Variants in SYNGR2 observed in about 807,000 individuals in gnomAD.
SYNGR2 encodes synaptogyrin 2, also known as synaptogyrin-2.
In SYNGR2, 11 loss-of-function variants were observed where a neutral mutation model predicts 18.7. The ratio of observed to expected loss-of-function variants is 0.59; its 90% CI spans 0.37 to 0.97. The LOEUF is 0.97. Among genes scored for constraint, SYNGR2 ranks in the 50% least tolerant of loss-of-function variants. The probability of loss-of-function intolerance (pLI) is 0.01; values close to 1 mark genes in which losing one functional copy is unlikely to be tolerated. For synonymous variants in SYNGR2, 127 were observed against 131.0 expected, an observed-to-expected ratio of 0.97 and a Z score of 0.21; for missense variants, 253 against 300.7, an observed-to-expected ratio of 0.84 and a Z score of 1.17.
In SYNGR2 at chr17:78,170,934, G is replaced by C. The variant is rs755639981; in HGVS notation, c.217G>C (p.Ala73Pro). The C allele has an allele frequency of 6.2e-7, 1 of 1,613,478 alleles. No homozygotes were observed. The highest frequency in any genetic ancestry group is 1.1e-5 in the South Asian group (1 of 91,088). Reference sequence around the variant, plus strand: ...CGAGGATGCCTGCCGCTATGGCAGTGCCATCGGGGTGCTGGCCTTCCTGGC... The same window carrying C: ...CGAGGATGCCTGCCGCTATGGCAGTCCCATCGGGGTGCTGGCCTTCCTGGC... ...RNEDACRYGS[A>P]IGVLAFLASA... The change falls in exon 2 of 4, where the codon GCC becomes CCC. Residue 73 changes from alanine (A) to proline (P), a missense_variant. Coordinates refer to ENST00000225777, the MANE Select transcript of SYNGR2 (RefSeq NM_004710.7).
chr17:78,168,628 G>A lies in SYNGR2; in HGVS notation c.12G>A (p.Gly4=), dbSNP rs1419957040. Residue 4 remains glycine (G), a synonymous_variant, in exon 1 of 4, where the codon GGG becomes GGA. Transcript: ENST00000225777. MES[G]AYGAAKAGGS... is the part of the protein sequence containing the mutation. Reference sequence around the variant, plus strand: ...GCGGCGACGGCGACATGGAGAGCGGGGCCTACGGCGCGGCCAAGGCGGGCG... The same window carrying A: ...GCGGCGACGGCGACATGGAGAGCGGAGCCTACGGCGCGGCCAAGGCGGGCG... The A allele has an allele frequency of 4.2e-6, 5 of 1,203,928 alleles. No homozygotes were observed. Among genetic ancestry groups the A allele is most frequent in the Middle Eastern group, 3.3e-4 (1 of 3,046 alleles). 74.6% of individuals were successfully genotyped at this position (1,203,928 alleles called of 1,614,324 possible). A position where few individuals can be genotyped will look rare whatever the true frequency, so the allele number is the denominator to read the frequency against.
chr17:78,172,044 T>C lies in SYNGR2; in HGVS notation c.*108T>C, dbSNP rs747567660. On this transcript the variant is annotated 3_prime_UTR_variant, in exon 4 of 4. Coordinates refer to ENST00000225777, the MANE Select transcript of SYNGR2 (RefSeq NM_004710.7). ...CCCCTCTCTTTCACCTGTTCCATCC[T>C]GTGCAGCTGACACACAGCTAAGGAG... is the stretch of plus-strand genomic sequence containing the variant. The C allele has an allele frequency of 5.1e-6, 8 of 1,559,516 alleles. No homozygotes were observed. In the Admixed American group the frequency reaches 1.5e-4, roughly 29 times the overall value.
chr17:78,170,870 C>T lies in SYNGR2; in HGVS notation c.153C>T (p.Ala51=). The T allele has an allele frequency of 6.2e-7, 1 of 1,613,328 alleles. No individual in the cohort carries two copies. The highest frequency in any genetic ancestry group is 8.5e-7 in the Non-Finnish European group (1 of 1,180,018). The part of the protein sequence containing the change: ...SCIYGEGYSN[A]HESKQMYCVF... ...TCTATGGTGAGGGCTACAGCAATGC[C>T]CACGAGTCTAAGCAGATGTACTGCG... is the stretch of plus-strand genomic sequence containing the variant. Residue 51 remains alanine (A), a synonymous_variant, in exon 2 of 4, where the codon GCC becomes GCT. Transcript: ENST00000225777.
In SYNGR2 at chr17:78,168,966, C is replaced by T. The variant is rs1041643804; in HGVS notation, c.99+251C>T. Among the ~76,000 whole-genome samples the T allele has an allele frequency of 3.3e-5, 5 of 152,094 alleles. 1 individual carries two copies. In the South Asian group the frequency reaches 8.3e-4, roughly 25 times the overall value. On this transcript the variant is annotated intron_variant, in intron 1 of 3. Coordinates refer to ENST00000225777, the MANE Select transcript of SYNGR2 (RefSeq NM_004710.7). ...GCCTCGCGCCCCGACGCGGGGTGTC[C>T]GGATCTCCGCAGGGAGCGGGCCCCT...
chr17:78,171,925 C>T lies in SYNGR2; in HGVS notation c.664C>T (p.Pro222Ser), dbSNP rs1460167154. 15 of 1,613,392 alleles carry T rather than the reference C, an allele frequency of 9.3e-6. No individual in the cohort carries two copies. The highest frequency in any genetic ancestry group is 1.3e-5 in the Non-Finnish European group (15 of 1,180,024). ...GACCACCGAGGGCTACCAGCCGCCC[C>T]CTGTGTACTGAGCGGCGGTTAGCGT... is the stretch of plus-strand genomic sequence containing the variant. ...AETTEGYQPP[P>S]VY The change falls in exon 4 of 4, where the codon CCT (proline) becomes TCT (serine). Residue 222 changes from proline to serine, a missense_variant. Transcript: ENST00000225777. This position sits in a 1 kb window ranked among gnomAD's most constrained non-coding sequence, Gnocchi z 6.6.
In SYNGR2 at chr17:78,172,005, C is replaced by T; in HGVS notation, c.*69C>T. On this transcript the variant is annotated 3_prime_UTR_variant, in exon 4 of 4. Transcript: ENST00000225777. Reference sequence around the variant, plus strand: ...CTGCCCTGGACTTTCCCATGAGCCTCCTGGAACTGCCAGCCCCTCTCTTTC... The same window carrying T: ...CTGCCCTGGACTTTCCCATGAGCCTTCTGGAACTGCCAGCCCCTCTCTTTC... The T allele has an allele frequency of 6.3e-7, 1 of 1,599,252 alleles. No homozygotes were observed. Among genetic ancestry groups the T allele is most frequent in the Non-Finnish European group, 8.5e-7 (1 of 1,177,622 alleles).
At position 78,171,263 on chromosome 17, in the gene SYNGR2, C is replaced by T. The variant is rs2075656327; in HGVS notation, c.337+209C>T. 6 of 660,970 alleles carry T rather than the reference C, an allele frequency of 9.1e-6. No homozygotes were observed. In the South Asian group the frequency reaches 1.2e-4, roughly 13 times the overall value. The allele number at this position is 660,970 out of a possible 1,614,324, so 40.9% of individuals were successfully genotyped here. A position where few individuals can be genotyped will look rare whatever the true frequency, so the allele number is the denominator to read the frequency against. ...AGCTAGAAGCTGAGTGGACCTGCAG[C>T]ACACCCGAGCAGATGGGCTTTGCCT... On this transcript the variant is annotated intron_variant, in intron 2 of 3. Transcript: ENST00000225777. This position sits in a 1 kb window ranked among gnomAD's most constrained non-coding sequence, Gnocchi z 6.6.
intron 1 of SYNGR2, chr17:78,169,287 C>T (rs9908349): frequency 0.45 from 57,963 of 129,376 alleles, 14,307 homozygotes; most frequent in African/African-American, 0.56. Flanking sequence ...GGGGAGGGGG[C>T]CTGTTCTTGG....
At position 78,171,985 on chromosome 17, in the gene SYNGR2, C is replaced by G; in HGVS notation, c.*49C>G. On this transcript the variant is annotated 3_prime_UTR_variant, in exon 4 of 4. Coordinates refer to ENST00000225777, the MANE Select transcript of SYNGR2 (RefSeq NM_004710.7). The surrounding 1 kb of genome is among the most constrained non-coding windows in gnomAD (Gnocchi z 6.6). ...GACAGAGAGGGCCCTCCCCTCTGCC[C>G]TGGACTTTCCCATGAGCCTCCTGGA... The G allele has an allele frequency of 6.2e-7, 1 of 1,605,098 alleles. No individual in the cohort carries two copies. The highest frequency in any genetic ancestry group is 8.5e-7 in the Non-Finnish European group (1 of 1,179,266).
In SYNGR2 at chr17:78,171,485, T is replaced by C. The variant is rs2075657880; in HGVS notation, c.338-25T>C. On this transcript the variant is annotated intron_variant, in intron 2 of 3. Coordinates refer to ENST00000225777, the MANE Select transcript of SYNGR2 (RefSeq NM_004710.7). This position sits in a 1 kb window ranked among gnomAD's most constrained non-coding sequence, Gnocchi z 6.6. ...GAAAGCCCCTCCCTTTCCATGGAAC[T>C]GACGCTTCACCCGTCCTCCCCCAGC... 6.6e-7 allele frequency: 1 copy of C among 1,514,488 alleles called. No homozygotes were observed. Among genetic ancestry groups the C allele is most frequent in the Non-Finnish European group, 8.8e-7 (1 of 1,132,368 alleles). 93.8% of individuals were successfully genotyped at this position (1,514,488 alleles called of 1,614,324 possible).
At position 78,171,503 on chromosome 17, in the gene SYNGR2, C is replaced by A. The variant is rs1277413258; in HGVS notation, c.338-7C>A. 2.0e-6 allele frequency: 3 copies of A among 1,517,148 alleles called. No homozygotes were observed. Among genetic ancestry groups the A allele is most frequent in the Non-Finnish European group, 2.6e-6 (3 of 1,133,382 alleles). 94.0% of individuals were successfully genotyped at this position (1,517,148 alleles called of 1,614,324 possible). ...ATGGAACTGACGCTTCACCCGTCCT[C>A]CCCCAGCTCTCTGGACCTTCCTGTG... On this transcript the variant is annotated splice_region_variant and splice_polypyrimidine_tract_variant and intron_variant, in intron 2 of 3. Transcript: ENST00000225777. This position sits in a 1 kb window ranked among gnomAD's most constrained non-coding sequence, Gnocchi z 6.6.
chr17:78,171,912 C>T lies in SYNGR2; in HGVS notation c.651C>T (p.Gly217=). The change falls in exon 4 of 4, where the codon GGC becomes GGT. Residue 217 remains glycine (G), a synonymous_variant. Transcript: ENST00000225777. The surrounding 1 kb of genome is among the most constrained non-coding windows in gnomAD (Gnocchi z 6.6). ...CCCAGAACGCGGAGACCACCGAGGG[C>T]TACCAGCCGCCCCCTGTGTACTGAG... ...PFTQNAETTE[G]YQPPPVY is the part of the protein sequence containing the mutation. The T allele has an allele frequency of 6.2e-7, 1 of 1,613,696 alleles. No homozygotes were observed. The highest frequency in any genetic ancestry group is 1.7e-4 in the Middle Eastern group (1 of 6,060).
Position 78,168,697 on chromosome 17 carries a change from G to A in SYNGR2, c.81G>A (p.Val27=), listed in dbSNP as rs1175412486. The A allele has an allele frequency of 8.3e-7, 1 of 1,202,162 alleles. No homozygotes were observed. The highest frequency in any genetic ancestry group is 1.6e-5 in the African/African-American group (1 of 63,256). 74.5% of individuals were successfully genotyped at this position (1,202,162 alleles called of 1,614,324 possible). The part of the protein sequence containing the change: ...LRRFLTQPQV[V]ARAVCLVFAL... ...GCTTCCTGACGCAGCCGCAGGTGGT[G>A]GCGCGCGCCGTGTGCTTGGTGAGCC... Residue 27 remains valine, a synonymous_variant, in exon 1 of 4, where the codon GTG becomes GTA. Transcript: ENST00000225777.
chr17:78,170,633 C>T (rs150104626), intron 1 of SYNGR2, 184 bp from the exon 2 acceptor site: 48 of 653,258 alleles, frequency 7.3e-5, no homozygotes, highest in African/African-American at 6.5e-4. Context: ...TGCAGTGAGC[C>T]GAGATCGCAC....
At chr17:78,169,998 G>A (rs1168894822) in intron 1 of SYNGR2, 1 of 152,534 alleles carries the variant, frequency 6.6e-6, no homozygotes, top group Non-Finnish European at 1.5e-5. Context: ...AGACACAGGG[G>A]CGCCAGCATG....
Position 78,171,270 on chromosome 17 carries a change from G to T in SYNGR2, c.337+216G>T, listed in dbSNP as rs925127750. On this transcript the variant is annotated intron_variant, in intron 2 of 3. Coordinates refer to ENST00000225777, the MANE Select transcript of SYNGR2 (RefSeq NM_004710.7). This position sits in a 1 kb window ranked among gnomAD's most constrained non-coding sequence, Gnocchi z 6.6. ...AGCTGAGTGGACCTGCAGCACACCC[G>T]AGCAGATGGGCTTTGCCTCTGCCCC... 3.0e-6 allele frequency: 2 copies of T among 661,462 alleles called. No homozygotes were observed. The highest frequency in any genetic ancestry group is 5.1e-6 in the Non-Finnish European group (2 of 392,806). The allele number at this position is 661,462 out of a possible 1,614,324, so 41.0% of individuals were successfully genotyped here.
At chr17:78,172,852 C>G (rs2075670613), downstream of SYNGR2, 1 of 152,490 alleles carries the variant, frequency 6.6e-6, no homozygotes, top group South Asian at 2.1e-4. Context: ...TCCAGCCTGC[C>G]TGGCTGGCCC....
At chr17:78,170,735 C>A in intron 1 of SYNGR2, 82 bp from the exon 2 acceptor site, 1 of 1,184,306 alleles carries the variant, frequency 8.4e-7, no homozygotes, top group Non-Finnish European at 1.2e-6. Context: ...GAGAGGCCAG[C>A]ATCTGTACAC....
chr17:78,171,349 G>C lies in SYNGR2; in HGVS notation c.338-161G>C, dbSNP rs2075656935. 1.1e-6 allele frequency: 1 copy of C among 889,738 alleles called. No individual in the cohort carries two copies. Among genetic ancestry groups the C allele is most frequent in the Non-Finnish European group, 1.7e-6 (1 of 601,252 alleles). 55.1% of individuals were successfully genotyped at this position (889,738 alleles called of 1,614,324 possible). ...CCACCCTGCCAAGGCCCGAGTGTGG[G>C]GGACTTTGGAGGTGGCTCCCGGCCC... On this transcript the variant is annotated intron_variant, in intron 2 of 3. Coordinates refer to ENST00000225777, the MANE Select transcript of SYNGR2 (RefSeq NM_004710.7). The surrounding 1 kb of genome is among the most constrained non-coding windows in gnomAD (Gnocchi z 6.6).
Sources: allele counts gnomAD v4.1 joint callset (sites outside exome capture counted in the v4.1 genomes callset), GRCh38; gene constraint gnomAD v4.1.1; non-coding constraint Gnocchi (gnomAD v3.1); transcripts MANE v1.5; gene names NCBI Gene and HGNC (gene_info 2026-07-23, HGNC 2026-07-21).